Variants in ESR1 observed in about 807,000 individuals in gnomAD.
The protein encoded by ESR1 is estrogen receptor.
In ESR1, 12 loss-of-function variants were observed where a neutral mutation model predicts 52.7. The observed-to-expected ratio is 0.23, with a 90% confidence interval of 0.15 to 0.37. ESR1 has a LOEUF of 0.37. ESR1 is among the 10% of genes least tolerant of loss of function. ESR1 has a pLI of 1.00. For missense variants in ESR1, 584 were observed against 779.7 expected (o/e 0.75, Z 2.99); for synonymous variants, 305 against 316.8 (o/e 0.96, Z 0.39).
upstream of ESR1, among the ~76,000 whole-genome samples, chr6:151,806,530 GTATATATATA>G (rs56020486): frequency 5.3e-3 from 510 of 96,446 alleles, 12 homozygotes; most frequent in African/African-American, 0.01. Flanking sequence ...TCCTTAATAT[GTATATATATA>G]TATATATATA....
intron 4 of ESR1, among the ~76,000 whole-genome samples, chr6:151,993,181 T>TTA (rs2128720207): frequency 6.6e-6 from 1 of 152,324 alleles, no homozygotes; most frequent in Non-Finnish European, 1.5e-5. Context: ...CTAAAGATTT[T>TTA]TATATATATG....
At position 152,099,448 on chromosome 6, in the gene ESR1, C is replaced by T. The variant is rs530949571; in HGVS notation, c.*482C>T. Reference sequence around the variant, plus strand: ...GCTAGGTCAAGGGTTTATTATAGCACCCTCTTGTATTCCTATGGCAATGCA... The same window carrying T: ...GCTAGGTCAAGGGTTTATTATAGCATCCTCTTGTATTCCTATGGCAATGCA... On this transcript the variant is annotated 3_prime_UTR_variant, in exon 8 of 8. Coordinates refer to ENST00000206249, the MANE Select transcript of ESR1 (RefSeq NM_000125.4). 1 of 296,402 alleles carries T rather than the reference C, an allele frequency of 3.4e-6. No homozygotes were observed. The highest frequency in any genetic ancestry group is 2.1e-5 in the African/African-American group (1 of 48,126). 18.4% of individuals were successfully genotyped at this position (296,402 alleles called of 1,614,324 possible). A position where few individuals can be genotyped will look rare whatever the true frequency, so the allele number is the denominator to read the frequency against.
intron 1 of ESR1, among the ~76,000 whole-genome samples, chr6:151,820,557 G>T (rs1382209695): frequency 6.6e-6 from 1 of 152,122 alleles, no homozygotes; most frequent in African/African-American, 2.4e-5. Context: ...GAGAATTAGG[G>T]ATTCTAGATC....
At chr6:151,888,406 ATTTTG>A (rs1239445292) in intron 3 of ESR1, among the ~76,000 whole-genome samples, 1 of 151,882 alleles carries the variant, frequency 6.6e-6, no homozygotes, top group Non-Finnish European at 1.5e-5. Context: ...ATTCCCAAAT[ATTTTG>A]TTTTATTTTT....
At chr6:151,901,884 G>A (rs929937126) in intron 3 of ESR1, among the ~76,000 whole-genome samples, 3 of 152,216 alleles carry the variant, frequency 2.0e-5, no homozygotes, top group African/African-American at 7.2e-5. Context: ...TTCTGGAGCA[G>A]AAGTTTATGG....
chr6:152,000,589 T>C (rs1264849146), intron 4 of ESR1, among the ~76,000 whole-genome samples: 1 of 152,028 alleles, frequency 6.6e-6, no homozygotes, highest in Non-Finnish European at 1.5e-5. Flanking sequence ...TCAATTCTCT[T>C]CTAGGACAAT....
At chr6:151,899,529 A>AC (rs1195752709) in intron 3 of ESR1, among the ~76,000 whole-genome samples, 43 of 111,914 alleles carry the variant, frequency 3.8e-4, no homozygotes, top group African/African-American at 1.3e-3. Context: ...CGGGGGGCTG[A>AC]CCCCCCCACC....
chr6:152,060,328 C>G (rs1235568661), intron 5 of ESR1, among the ~76,000 whole-genome samples: 1 of 152,142 alleles, frequency 6.6e-6, no homozygotes, highest in Non-Finnish European at 1.5e-5. Context: ...ACACACTGCT[C>G]TATGTTCTTT....
At chr6:151,774,307 C>A (rs1785770302) in intron 2 of ESR1, among the ~76,000 whole-genome samples, 1 of 152,190 alleles carries the variant, frequency 6.6e-6, no homozygotes, top group Admixed American at 6.5e-5. Flanking sequence ...TCACAGAAAA[C>A]AATGGAGTTT....
chr6:151,759,259 A>C (rs551200493), intron 2 of ESR1, among the ~76,000 whole-genome samples: 17 of 134,668 alleles, frequency 1.3e-4, no homozygotes, highest in Non-Finnish European at 2.4e-4. Flanking sequence ...TGGCGACTGG[A>C]CTCTGTCTCA....
chr6:151,867,092 T>TA (rs1790052866), intron 2 of ESR1, among the ~76,000 whole-genome samples: 1 of 152,152 alleles, frequency 6.6e-6, no homozygotes, highest in South Asian at 2.1e-4. Flanking sequence ...ACCCCTTCCT[T>TA]ACACCTTATA....
At chr6:152,124,974 T>C (rs998622479) in intron 6 of ESR1, among the ~76,000 whole-genome samples, 1 of 152,200 alleles carries the variant, frequency 6.6e-6, no homozygotes, top group Non-Finnish European at 1.5e-5. Flanking sequence ...GGTGTGTACT[T>C]ATTAACTTCA....
chr6:152,066,823 G>A (rs1216713373), intron 6 of ESR1, among the ~76,000 whole-genome samples: 2 of 152,160 alleles, frequency 1.3e-5, no homozygotes, highest in Non-Finnish European at 2.9e-5. Context: ...CTTCCTTGGC[G>A]GAAGGGGGAT....
chr6:151,877,356 G>A (rs1792024696), intron 2 of ESR1, among the ~76,000 whole-genome samples: 2 of 152,154 alleles, frequency 1.3e-5, no homozygotes, highest in Admixed American at 1.3e-4. Flanking sequence ...GACGTGAGCT[G>A]AAGACTTAGA....
chr6:151,880,455 ACAG>A (rs1406496578), intron 2 of ESR1, among the ~76,000 whole-genome samples, 197 bp from the exon 3 acceptor site: 1 of 152,032 alleles, frequency 6.6e-6, no homozygotes, highest in Non-Finnish European at 1.5e-5. Flanking sequence ...TTCTGGGATT[ACAG>A]GCATGAGCCA....
chr6:152,066,763 A>G lies in ESR1; in HGVS notation c.1369+5639A>G, dbSNP rs138224889. Among the ~76,000 whole-genome samples, 749 of 152,340 alleles carry G rather than the reference A, an allele frequency of 4.9e-3. 5 individuals are homozygous for G. The highest frequency in any genetic ancestry group is 0.017 in the African/African-American group (717 of 41,594). ...TAGTTTCCTGACAACATGGTATAGC[A>G]TGGACTTTGTCATCAGAGAGGACTG... is the stretch of plus-strand genomic sequence containing the variant. On this transcript the variant is annotated intron_variant, in intron 6 of 7. Transcript: ENST00000206249.
chr6:151,878,164 A>G (rs1342665554), intron 2 of ESR1, among the ~76,000 whole-genome samples: 1 of 152,210 alleles, frequency 6.6e-6, no homozygotes, highest in Non-Finnish European at 1.5e-5. Context: ...TATACTGCAT[A>G]AATACCACAG....
In ESR1 at chr6:151,659,822, T is replaced by G. The variant is rs567063809; in HGVS notation, n.73+3059T>G. Reference sequence around the variant, plus strand: ...TTCATTCAAATGTTTATCCCTAAAATTCATAGCAGATTATGACTGATCATT... The same window carrying G: ...TTCATTCAAATGTTTATCCCTAAAAGTCATAGCAGATTATGACTGATCATT... On this transcript the variant is annotated intron_variant and non_coding_transcript_variant, in intron 1 of 2. Coordinates refer to the ESR1 transcript ENST00000473497. 3.3e-5 allele frequency among the ~76,000 whole-genome samples: 5 copies of G among 152,338 alleles called. No homozygotes were observed. The South Asian group carries it at 6.2e-4, about 19-fold the overall frequency.
At chr6:151,723,890 G>T (rs932346262) in intron 2 of ESR1, among the ~76,000 whole-genome samples, 1 of 151,892 alleles carries the variant, frequency 6.6e-6, no homozygotes, top group Admixed American at 6.6e-5. Flanking sequence ...ACAAACAAAA[G>T]AACAGTGCTG....
Sources: allele counts gnomAD v4.1 joint callset (sites outside exome capture counted in the v4.1 genomes callset), GRCh38; gene constraint gnomAD v4.1.1; transcripts MANE v1.5; gene names NCBI Gene and HGNC (gene_info 2026-07-23, HGNC 2026-07-21).